Variants in FAM168A observed in about 807,000 individuals in gnomAD.
The protein encoded by FAM168A is protein FAM168A.
Under a neutral mutation model 28.5 loss-of-function variants are expected in FAM168A, and 3 were observed. The observed-to-expected ratio is 0.11, with a 90% confidence interval of 0.05 to 0.27. FAM168A has a LOEUF of 0.27. FAM168A is among the 10% of genes least tolerant of loss of function. The probability of loss-of-function intolerance (pLI) is 1.00; values close to 1 mark genes in which losing one functional copy is unlikely to be tolerated. For synonymous variants in FAM168A, 122 were observed against 124.2 expected (o/e 0.98, Z 0.12); for missense variants, 222 against 311.5 (o/e 0.71, Z 2.16).
In FAM168A at chr11:73,497,493, T is replaced by A. The variant is rs553925472; in HGVS notation, c.-18-29001A>T. Among the ~76,000 whole-genome samples, 4 of 151,992 alleles carry A rather than the reference T, an allele frequency of 2.6e-5. No homozygotes were observed. The East Asian group carries it at 7.7e-4, about 29-fold the overall frequency. On this transcript the variant is annotated intron_variant, in intron 1 of 7. Coordinates refer to ENST00000356467, the MANE Select transcript of FAM168A (RefSeq NM_015159.3). ...ACATACTGTCCAGCTGAACTTTCTA[T>A]AATGATGGAAATATTCTAGTATATC...
chr11:73,459,805 A>AAAC (rs1867609823), intron 2 of FAM168A, among the ~76,000 whole-genome samples: 1 of 152,186 alleles, frequency 6.6e-6, no homozygotes, highest in Non-Finnish European at 1.5e-5. Flanking sequence ...ATAAGACTCA[A>AAAC]AAACAGAAAA....
intron 1 of FAM168A, among the ~76,000 whole-genome samples, chr11:73,581,002 A>G (rs370739411): frequency 3.3e-5 from 5 of 152,226 alleles, no homozygotes; most frequent in African/African-American, 1.2e-4. Context: ...CTGTCAAAAG[A>G]GCAGTGGTTC....
At chr11:73,557,043 GA>G (rs2134699400) in intron 1 of FAM168A, among the ~76,000 whole-genome samples, 1 of 151,528 alleles carries the variant, frequency 6.6e-6, no homozygotes, top group East Asian at 1.9e-4. Flanking sequence ...AAAAAAAGAG[GA>G]AAAAAAGCAA....
Position 73,529,227 on chromosome 11 carries a change from T to C in FAM168A, c.-18-60735A>G, listed in dbSNP as rs7938867. Among the ~76,000 whole-genome samples the C allele has an allele frequency of 7.3e-3, 1,116 of 152,256 alleles. 17 individuals are homozygous for C. The highest frequency in any genetic ancestry group is 0.026 in the African/African-American group (1,078 of 41,540). ...CTGCTATCAGCTAGCAAAAACTCTA[T>C]GCTTGCCTTCATAAGCTGGGAGAAA... On this transcript the variant is annotated intron_variant, in intron 1 of 7. Transcript: ENST00000356467.
Position 73,411,553 on chromosome 11 carries a change from A to T in FAM168A, c.278-17T>A, listed in dbSNP as rs773112252. On this transcript the variant is annotated splice_polypyrimidine_tract_variant and intron_variant, in intron 4 of 7. Coordinates refer to ENST00000356467, the MANE Select transcript of FAM168A (RefSeq NM_015159.3). ...CAGTATATCCTGTACCAAGGCAATA[A>T]GAGAGACTTCCAGTTAGTTGGCAGA... 1.2e-6 allele frequency: 2 copies of T among 1,614,024 alleles called. No homozygotes were observed. Among genetic ancestry groups the T allele is most frequent in the Non-Finnish European group, 1.7e-6 (2 of 1,179,962 alleles).
chr11:73,479,337 G>T (rs1867935210), intron 1 of FAM168A, among the ~76,000 whole-genome samples: 1 of 152,222 alleles, frequency 6.6e-6, no homozygotes, highest in Non-Finnish European at 1.5e-5. Flanking sequence ...GTTATATGTA[G>T]CTGAACCTAA....
intron 1 of FAM168A, among the ~76,000 whole-genome samples, chr11:73,472,541 G>C (rs1354131023): frequency 3.3e-5 from 5 of 152,186 alleles, no homozygotes; most frequent in Admixed American, 1.3e-4. Flanking sequence ...GTTTTACAAA[G>C]AAGAGTGAAA....
At chr11:73,430,548 G>C in intron 3 of FAM168A, 142 bp downstream of exon 3, 1 of 730,564 alleles carries the variant, frequency 1.4e-6, no homozygotes, top group Non-Finnish European at 2.5e-6. Context: ...GTTCCCAGAA[G>C]GGACTCCCAG....
At chr11:73,478,487 G>A (rs1867923043) in intron 1 of FAM168A, among the ~76,000 whole-genome samples, 1 of 152,106 alleles carries the variant, frequency 6.6e-6, no homozygotes, top group South Asian at 2.1e-4. Flanking sequence ...ACTGCAGATA[G>A]AAGCAAGAGA....
At chr11:73,440,864 T>C (rs142779577) in intron 2 of FAM168A, among the ~76,000 whole-genome samples, 5 of 152,214 alleles carry the variant, frequency 3.3e-5, no homozygotes, top group Admixed American at 1.3e-4. Flanking sequence ...ATATGTAACA[T>C]TGGACTAGAG....
At chr11:73,536,297 A>G (rs1943580487) in intron 1 of FAM168A, among the ~76,000 whole-genome samples, 1 of 152,224 alleles carries the variant, frequency 6.6e-6, no homozygotes. Flanking sequence ...ACAAATAAAA[A>G]GTTATTTGAA....
chr11:73,409,337 C>T, intron 6 of FAM168A, 150 bp downstream of exon 6: 1 of 945,486 alleles, frequency 1.1e-6, no homozygotes, highest in Non-Finnish European at 1.5e-6. Flanking sequence ...TCCCCATAGA[C>T]AGATTTAGAG....
At chr11:73,434,568 A>G (rs1867056169) in intron 2 of FAM168A, among the ~76,000 whole-genome samples, 1 of 152,182 alleles carries the variant, frequency 6.6e-6, no homozygotes, top group Non-Finnish European at 1.5e-5. Context: ...AGGAACAGCA[A>G]AAAGGCCAGT....
At chr11:73,564,510 G>A (rs927857500) in intron 1 of FAM168A, among the ~76,000 whole-genome samples, 24 of 151,958 alleles carry the variant, frequency 1.6e-4, no homozygotes, top group African/African-American at 5.5e-4. Flanking sequence ...AGGCCAAGGT[G>A]GGCAGATCAC....
At chr11:73,574,604 C>T (rs1331203034) in intron 1 of FAM168A, among the ~76,000 whole-genome samples, 2 of 152,018 alleles carry the variant, frequency 1.3e-5, no homozygotes, top group Admixed American at 1.3e-4. Flanking sequence ...CTCTTGTCGC[C>T]CAAGCTGGAG....
intron 2 of FAM168A, among the ~76,000 whole-genome samples, chr11:73,442,128 T>C (rs1008185585): frequency 1.2e-4 from 18 of 145,684 alleles, no homozygotes; most frequent in South Asian, 4.2e-4. Flanking sequence ...TCTTCTTCTT[T>C]TTTTTTTTTT....
chr11:73,472,004 A>C (rs1294375378), intron 1 of FAM168A, among the ~76,000 whole-genome samples: 1 of 152,110 alleles, frequency 6.6e-6, no homozygotes, highest in Non-Finnish European at 1.5e-5. Flanking sequence ...AGATCCGAGG[A>C]GGCGTTAAAT....
At chr11:73,569,853 TAAATAAAC>T (rs140963014) in intron 1 of FAM168A, among the ~76,000 whole-genome samples, 8,710 of 149,250 alleles carry the variant, frequency 0.058, 722 homozygotes, top group African/African-American at 0.19. Flanking sequence ...AATAAATAAA[TAAATAAAC>T]AAAATAGATG....
intron 1 of FAM168A, among the ~76,000 whole-genome samples, chr11:73,587,030 A>G (rs1944320454): frequency 6.6e-6 from 1 of 152,092 alleles, no homozygotes; most frequent in African/African-American, 2.4e-5. Flanking sequence ...CATTCCCCCA[A>G]TAAGAAATAA....
Sources: allele counts gnomAD v4.1 joint callset (sites outside exome capture counted in the v4.1 genomes callset), GRCh38; gene constraint gnomAD v4.1.1; transcripts MANE v1.5; gene names NCBI Gene and HGNC (gene_info 2026-07-23, HGNC 2026-07-21).